Variants in MYH13 observed in about 807,000 individuals in gnomAD.
MYH13 encodes myosin-13.
In MYH13, 177 loss-of-function variants were observed where a neutral mutation model predicts 232.1. The observed-to-expected ratio is 0.76, with a 90% CI of 0.67 to 0.86. The LOEUF (loss-of-function observed/expected upper bound fraction) is 0.86. MYH13 is among the 40% of genes least tolerant of loss of function. MYH13 has a pLI of 0.00. For missense variants in MYH13, 2,246 were observed against 2,405.9 expected, an observed-to-expected ratio of 0.93 and a Z score of 1.39; for synonymous variants, 884 against 923.5, an observed-to-expected ratio of 0.96 and a Z score of 0.78.
intron 22 of MYH13, among the ~76,000 whole-genome samples, chr17:10,326,778 A>C (rs138680826): frequency 6.7e-6 from 1 of 148,660 alleles, no homozygotes; most frequent in South Asian, 2.1e-4. Context: ...CGTCCAGCCT[A>C]TACTGCCCCA....
At chr17:10,301,152 A>C (rs1334365861) in intron 40 of MYH13, among the ~76,000 whole-genome samples, 187 bp from the exon 41 acceptor site, 1 of 152,218 alleles carries the variant, frequency 6.6e-6, no homozygotes, top group Non-Finnish European at 1.5e-5. Flanking sequence ...AACGCCCTGC[A>C]AAACAGGGGC....
chr17:10,335,892 T>C (rs2071570602), intron 18 of MYH13, among the ~76,000 whole-genome samples: 1 of 152,130 alleles, frequency 6.6e-6, no homozygotes, highest in South Asian at 2.1e-4. Context: ...AAAGGCATAG[T>C]TACAAGAGAA....
At chr17:10,357,714 G>T in intron 8 of MYH13, 21 bp downstream of exon 8, 1 of 1,608,814 alleles carries the variant, frequency 6.2e-7, no homozygotes, top group Non-Finnish European at 8.5e-7. Context: ...GAGGATACTT[G>T]AAAATTGGGC....
At chr17:10,366,379 C>G (rs1325230943) in intron 2 of MYH13, among the ~76,000 whole-genome samples, 2 of 117,078 alleles carry the variant, frequency 1.7e-5, no homozygotes, top group East Asian at 4.3e-4. Context: ...AGAAATAAAT[C>G]TGTTTTTTTT....
chr17:10,354,531 T>G (rs1013231462), intron 11 of MYH13, 149 bp downstream of exon 11: 1 of 727,132 alleles, frequency 1.4e-6, no homozygotes. Flanking sequence ...CAATCTGTGC[T>G]AATTCTCTGA....
intron 7 of MYH13, 145 bp from the exon 8 acceptor site, chr17:10,357,972 C>T: frequency 4.9e-6 from 3 of 610,224 alleles, no homozygotes; most frequent in Non-Finnish European, 8.6e-6. Context: ...GCACCCACGC[C>T]CCCACCCCCA....
At position 10,330,514 on chromosome 17, in the gene MYH13, T is replaced by C; in HGVS notation, c.2308A>G (p.Lys770Glu). The C allele has an allele frequency of 1.2e-6, 2 of 1,608,840 alleles. No individual in the cohort carries two copies. Among genetic ancestry groups the C allele is most frequent in the Non-Finnish European group, 1.7e-6 (2 of 1,178,352 alleles). The change falls in exon 21 of 41, where the codon AAA becomes GAA. Residue 770 changes from lysine (K) to glutamate (E), a missense_variant. By Grantham distance (56) the Lys-to-Glu change is moderately conservative (BLOSUM62 1). Transcript: ENST00000252172. The stretch of plus-strand genomic sequence containing the variant: ...TCCAAAAGTCCCAGGAGCCCAGCTT[T>C]GAAAAACACCTGCATTAAAAGACAG... ...FRFGNTKVFF[K>E]AGLLGLLEEM... is the part of the protein sequence containing the mutation.
At chr17:10,360,577 A>G (rs1203200454) in intron 5 of MYH13, among the ~76,000 whole-genome samples, 1 of 152,138 alleles carries the variant, frequency 6.6e-6, no homozygotes, top group Non-Finnish European at 1.5e-5. Context: ...GGTTGGTTTC[A>G]TTGCATTTTT....
intron 29 of MYH13, among the ~76,000 whole-genome samples, chr17:10,314,000 C>T (rs1906614790): frequency 6.6e-6 from 1 of 152,232 alleles, no homozygotes; most frequent in Admixed American, 6.5e-5. Context: ...CACTCCCTCC[C>T]ATTGGAGGGA....
chr17:10,308,425 A>G (rs1597883036), intron 35 of MYH13, among the ~76,000 whole-genome samples: 1 of 131,642 alleles, frequency 7.6e-6, no homozygotes, highest in Admixed American at 8.0e-5. Flanking sequence ...ATATATATGT[A>G]TTTATTTTTA....
At chr17:10,322,038 A>G (rs780374345) in intron 23 of MYH13, among the ~76,000 whole-genome samples, 2 of 152,178 alleles carry the variant, frequency 1.3e-5, no homozygotes, top group Non-Finnish European at 2.9e-5. Flanking sequence ...TGTGTTTGTT[A>G]GGTTGGCTGA....
At chr17:10,307,143 G>C in intron 35 of MYH13, 79 bp from the exon 36 acceptor site, 2 of 1,549,350 alleles carry the variant, frequency 1.3e-6, no homozygotes, top group Non-Finnish European at 1.7e-6. Context: ...GGCTGGGGAG[G>C]GAAGTAAATT....
At position 10,301,538 on chromosome 17, in the gene MYH13, T is replaced by C. The variant is rs1402714470; in HGVS notation, c.5802+31A>G. The C allele has an allele frequency of 5.6e-6, 9 of 1,613,336 alleles. No individual in the cohort carries two copies. In the African/African-American group the frequency reaches 1.2e-4, roughly 22 times the overall value. ...CCCATATTCAATATCTGTTCTTAGC[T>C]GGCCCCTATATCTCAGGTACCTGCT... On this transcript the variant is annotated intron_variant, in intron 40 of 40. Coordinates refer to ENST00000252172, the MANE Select transcript of MYH13 (RefSeq NM_003802.3).
chr17:10,337,926 G>A (rs1024176641), intron 18 of MYH13, among the ~76,000 whole-genome samples: 1 of 152,146 alleles, frequency 6.6e-6, no homozygotes, highest in African/African-American at 2.4e-5. Context: ...GATGATGTGT[G>A]CCTGTAGTCC....
At chr17:10,348,716 A>C (rs2071686556) in intron 12 of MYH13, among the ~76,000 whole-genome samples, 1 of 150,488 alleles carries the variant, frequency 6.6e-6, no homozygotes, top group Non-Finnish European at 1.5e-5. Context: ...AAGTTTTCCC[A>C]CTTTTGGTGA....
intron 33 of MYH13, among the ~76,000 whole-genome samples, chr17:10,310,033 C>T (rs1906450721): frequency 6.6e-6 from 1 of 150,998 alleles, no homozygotes; most frequent in Non-Finnish European, 1.5e-5. Context: ...TCTCCTTGGC[C>T]TCCTAAAGTG....
chr17:10,310,160 G>A (rs1035771853), intron 33 of MYH13, among the ~76,000 whole-genome samples: 16 of 148,704 alleles, frequency 1.1e-4, no homozygotes, highest in East Asian at 2.0e-4. Flanking sequence ...GCACAATCTC[G>A]GCTCAATGCA....
chr17:10,309,220 G>T lies in MYH13; in HGVS notation c.5169+14C>A. ...CAGGGTGGACCTTCAGCGGAGGAGT[G>T]AGGGCCGACGCACCTGGGAGTGCAG... On this transcript the variant is annotated intron_variant, in intron 35 of 40. Coordinates refer to ENST00000252172, the MANE Select transcript of MYH13 (RefSeq NM_003802.3). 2 of 1,610,964 alleles carry T rather than the reference G, an allele frequency of 1.2e-6. No individual in the cohort carries two copies. Among genetic ancestry groups the T allele is most frequent in the South Asian group, 1.1e-5 (1 of 90,706 alleles).
intron 12 of MYH13, among the ~76,000 whole-genome samples, chr17:10,349,012 C>T (rs1423645580): frequency 6.6e-6 from 1 of 151,354 alleles, no homozygotes. Flanking sequence ...CCTTCCCTTC[C>T]CTTCCCTTCC....
Sources: allele counts gnomAD v4.1 joint callset (sites outside exome capture counted in the v4.1 genomes callset), GRCh38; gene constraint gnomAD v4.1.1; transcripts MANE v1.5; gene names NCBI Gene and HGNC (gene_info 2026-07-23, HGNC 2026-07-21).